TG: variants seen among roughly 807,000 people sequenced by gnomAD.
TG encodes the protein thyroid hormones.
A neutral mutation model predicts 324.7 loss-of-function variants in TG; 270 were observed. The ratio of observed to expected loss-of-function variants is 0.83; its 90% CI spans 0.75 to 0.92. TG has a LOEUF of 0.92. TG is among the 40% of genes least tolerant of loss of function. The pLI is 0.00. For missense variants in TG, 3,591 were observed against 3,456.4 expected, an observed-to-expected ratio of 1.04 and a Z score of -0.98; for synonymous variants, 1,401 against 1,327.0, an observed-to-expected ratio of 1.06 and a Z score of -1.21.
chr8:133,104,718 C>A (rs76851216), intron 43 of TG, among the ~76,000 whole-genome samples: 9,866 of 152,078 alleles, frequency 0.065, 1,077 homozygotes, highest in African/African-American at 0.22. Flanking sequence ...TTGATGAGGG[C>A]CATTTCAGTG....
In TG at chr8:133,130,550, C is replaced by T. The variant is rs541791923; in HGVS notation, c.7863-1262C>T. Among the ~76,000 whole-genome samples, 3 of 152,224 alleles carry T rather than the reference C, an allele frequency of 2.0e-5. No homozygotes were observed. The East Asian group carries it at 5.8e-4, about 29-fold the overall frequency. ...CAGCCTCTAGTGACTGGGAATGGCC[C>T]TCAGTTTGTAGCCAGCAGGAAAACG... is the stretch of plus-strand genomic sequence containing the variant. On this transcript the variant is annotated intron_variant, in intron 45 of 47. Coordinates refer to ENST00000220616, the MANE Select transcript of TG (RefSeq NM_003235.5).
intron 41 of TG, among the ~76,000 whole-genome samples, chr8:133,092,816 G>A (rs865893008): frequency 2.0e-5 from 3 of 152,158 alleles, no homozygotes; most frequent in East Asian, 1.9e-4. Flanking sequence ...GTTGGCTTGC[G>A]TAAACACCAA....
chr8:132,900,474 G>C, intron 15 of TG, 135 bp downstream of exon 15: 1 of 801,962 alleles, frequency 1.2e-6, no homozygotes, highest in Non-Finnish European at 2.1e-6. Context: ...ACCTCACTAT[G>C]CCTCAGTTTT....
At chr8:133,050,732 C>A in intron 41 of TG, 1 of 896,220 alleles carries the variant, frequency 1.1e-6, no homozygotes, top group Non-Finnish European at 1.9e-6. Flanking sequence ...AACTAGACCA[C>A]TCTAGCTAAC....
At chr8:133,002,888 C>T (rs7014463) in intron 35 of TG, 8 of 441,146 alleles carry the variant, frequency 1.8e-5, no homozygotes, top group East Asian at 1.3e-4. Flanking sequence ...ACATTGTAAA[C>T]GCTTCCAGTT....
intron 16 of TG, among the ~76,000 whole-genome samples, chr8:132,904,379 C>T (rs1166360989): frequency 6.6e-6 from 1 of 152,232 alleles, no homozygotes; most frequent in Non-Finnish European, 1.5e-5. Flanking sequence ...TCTAAAGTAG[C>T]AGTAAGAATC....
chr8:132,926,950 T>C (rs1821951145), intron 22 of TG, among the ~76,000 whole-genome samples: 1 of 152,186 alleles, frequency 6.6e-6, no homozygotes, highest in African/African-American at 2.4e-5. Flanking sequence ...ATCTTCTGTT[T>C]CCTTTGTTTA....
At chr8:133,078,109 G>C (rs1845182475) in intron 41 of TG, among the ~76,000 whole-genome samples, 1 of 152,180 alleles carries the variant, frequency 6.6e-6, no homozygotes, top group African/African-American at 2.4e-5. Flanking sequence ...CATCTAAGAA[G>C]CTGCTGTGTA....
chr8:132,932,272 C>T (rs1053754607), intron 23 of TG, among the ~76,000 whole-genome samples: 1 of 152,198 alleles, frequency 6.6e-6, no homozygotes, highest in East Asian at 1.9e-4. Context: ...ACCACCTCTG[C>T]ACCCAAGAAT....
intron 27 of TG, among the ~76,000 whole-genome samples, chr8:132,952,248 G>A (rs1362148812): frequency 2.0e-5 from 3 of 152,198 alleles, no homozygotes; most frequent in Non-Finnish European, 4.4e-5. Flanking sequence ...GCAGCAGAGT[G>A]GTGCTGAGCA....
rs201917315 is a variant in TG at position 133,029,944 on chromosome 8, G to A, written c.7160G>A (p.Gly2387Asp). ...CGCGTGTCCCTGGCAGCAGACCGTG[G>A]CGGGGCTGATGTGGCCAGCATCCAC... ...PRRVSLAADRGGADVASIHLL... is the reference protein window; with the variant it reads ...PRRVSLAADRDGADVASIHLL... The change falls in exon 41 of 48, where the codon GGC (glycine) becomes GAC (aspartate). Residue 2387 changes from glycine to aspartate, a missense_variant. Transcript: ENST00000220616. 8.1e-6 allele frequency: 13 copies of A among 1,614,254 alleles called. No homozygotes were observed. In the Admixed American group the frequency reaches 2.0e-4, roughly 25 times the overall value.
chr8:133,025,622 G>C (rs1835999203), intron 40 of TG, among the ~76,000 whole-genome samples: 2 of 152,066 alleles, frequency 1.3e-5, no homozygotes, highest in Non-Finnish European at 2.9e-5. Flanking sequence ...CTGTGTGTTG[G>C]ATGCTCTCTA....
chr8:132,948,263 A>G (rs867602874), intron 26 of TG, among the ~76,000 whole-genome samples: 1 of 105,292 alleles, frequency 9.5e-6, no homozygotes, highest in African/African-American at 3.5e-5. Flanking sequence ...GTGTGTGTGC[A>G]TGTGAGAGAG....
At chr8:133,067,246 C>T (rs1843166705) in intron 41 of TG, among the ~76,000 whole-genome samples, 1 of 152,134 alleles carries the variant, frequency 6.6e-6, no homozygotes, top group Non-Finnish European at 1.5e-5. Flanking sequence ...CACATAGTCC[C>T]CTGCTCTCCT....
chr8:132,933,546 C>T lies in TG; in HGVS notation c.4817-15C>T. Reference sequence around the variant, plus strand: ...CGGGAAAGCCAGGTGAGTGACCGTCCCATGGTGCTTGCAGATTGCACAGAG... The same window carrying T: ...CGGGAAAGCCAGGTGAGTGACCGTCTCATGGTGCTTGCAGATTGCACAGAG... On this transcript the variant is annotated splice_polypyrimidine_tract_variant and intron_variant, in intron 23 of 47. Transcript: ENST00000220616. 2 of 1,612,536 alleles carry T rather than the reference C, an allele frequency of 1.2e-6. No individual in the cohort carries two copies. Among genetic ancestry groups the T allele is most frequent in the East Asian group, 2.2e-5 (1 of 44,814 alleles).
chr8:132,945,268 A>G (rs937583244), intron 26 of TG, among the ~76,000 whole-genome samples: 24 of 147,846 alleles, frequency 1.6e-4, no homozygotes, highest in Non-Finnish European at 3.2e-4. Flanking sequence ...TGCAGTGGAG[A>G]GGGGGAATAG....
At chr8:133,000,591 C>T (rs778470516) in intron 35 of TG, among the ~76,000 whole-genome samples, 7 of 152,144 alleles carry the variant, frequency 4.6e-5, no homozygotes, top group African/African-American at 7.2e-5. Context: ...CAGGAGTGAC[C>T]GGAAGAGTCA....
intron 16 of TG, among the ~76,000 whole-genome samples, chr8:132,905,373 T>C (rs1374206211): frequency 6.6e-6 from 1 of 152,146 alleles, no homozygotes; most frequent in East Asian, 1.9e-4. Flanking sequence ...TGCAAAATCT[T>C]CGCCAGGGAC....
intron 22 of TG, among the ~76,000 whole-genome samples, chr8:132,927,559 A>T (rs557175583): frequency 6.6e-6 from 1 of 152,334 alleles, no homozygotes; most frequent in Non-Finnish European, 1.5e-5. Context: ...AACTGACTCC[A>T]TTGTCATAAT....
Sources: gnomAD v4.1 joint callset for allele counts (sites outside exome capture counted in the v4.1 genomes callset) on GRCh38, gnomAD v4.1.1 for gene constraint, MANE v1.5 for transcripts, NCBI Gene and HGNC (gene_info 2026-07-23, HGNC 2026-07-21) for gene names.